BCKDHB: variants seen among roughly 807,000 people sequenced by gnomAD.
BCKDHB encodes the protein branched chain keto acid dehydrogenase E1 subunit beta, also known as 2-oxoisovalerate dehydrogenase subunit beta, mitochondrial.
In BCKDHB, 41 loss-of-function variants were observed where a neutral mutation model predicts 48.5. That is an observed-to-expected ratio of 0.85 (90% CI 0.66 to 1.10). The LOEUF (loss-of-function observed/expected upper bound fraction) is 1.10. BCKDHB is among the 50% of genes least tolerant of loss of function. The pLI is 0.00. For missense variants in BCKDHB, 496 were observed against 494.2 expected (o/e 1.00, Z -0.03); for synonymous variants, 201 against 174.8 (o/e 1.15, Z -1.18).
the BCKDHB span, among the ~76,000 whole-genome samples, chr6:80,418,931 T>G: frequency 6.6e-6 from 1 of 152,062 alleles, no homozygotes; most frequent in African/African-American, 2.4e-5. Flanking sequence ...TTGGCTCCAG[T>G]TGGGTGTGGC....
chr6:80,311,846 A>C (rs1304933936), intron 9 of BCKDHB, among the ~76,000 whole-genome samples: 2 of 152,192 alleles, frequency 1.3e-5, no homozygotes, highest in Non-Finnish European at 2.9e-5. Flanking sequence ...GTATAGTTTG[A>C]AGTCGAGTAA....
At chr6:80,233,614 T>A (rs1363549211) in intron 8 of BCKDHB, among the ~76,000 whole-genome samples, 1 of 152,198 alleles carries the variant, frequency 6.6e-6, no homozygotes, top group Non-Finnish European at 1.5e-5. Flanking sequence ...TTATTTAGAA[T>A]TTCTTCAGGT....
chr6:80,243,840 A>G (rs1191857315), intron 8 of BCKDHB, among the ~76,000 whole-genome samples: 1 of 152,162 alleles, frequency 6.6e-6, no homozygotes, highest in East Asian at 1.9e-4. Context: ...CTGGCCAAGT[A>G]TTTACATTTA....
intron 8 of BCKDHB, among the ~76,000 whole-genome samples, chr6:80,250,555 T>G (rs1386611518): frequency 1.3e-5 from 2 of 152,154 alleles, no homozygotes; most frequent in Non-Finnish European, 1.5e-5. Flanking sequence ...GAGTCATATC[T>G]GGAGAGCTGA....
At chr6:80,158,541 CA>C (rs1772162240) in intron 3 of BCKDHB, among the ~76,000 whole-genome samples, 2 of 152,244 alleles carry the variant, frequency 1.3e-5, no homozygotes, top group African/African-American at 2.4e-5. Flanking sequence ...TGCTTTAAAG[CA>C]AAAGCAGAAT....
chr6:80,282,354 C>T (rs1766371304), intron 9 of BCKDHB, among the ~76,000 whole-genome samples: 1 of 152,072 alleles, frequency 6.6e-6, no homozygotes, highest in South Asian at 2.1e-4. Flanking sequence ...TCCAGGATAT[C>T]ATATTGAGAA....
chr6:80,386,609 G>C, the BCKDHB span, among the ~76,000 whole-genome samples: 1 of 152,162 alleles, frequency 6.6e-6, no homozygotes, highest in Non-Finnish European at 1.5e-5. Context: ...TGTGGCAGGG[G>C]CCAAGTGGTG....
At chr6:80,268,233 A>G (rs992149727) in intron 8 of BCKDHB, among the ~76,000 whole-genome samples, 5 of 152,130 alleles carry the variant, frequency 3.3e-5, no homozygotes, top group African/African-American at 1.2e-4. Flanking sequence ...GTCTCAAAAA[A>G]TGTATCTAAT....
chr6:80,415,892 A>G, the BCKDHB span, among the ~76,000 whole-genome samples: 17 of 151,554 alleles, frequency 1.1e-4, no homozygotes, highest in Non-Finnish European at 2.1e-4. Context: ...CTGTGAATCT[A>G]TGTGGTCCTG....
the BCKDHB span, among the ~76,000 whole-genome samples, chr6:80,395,012 T>C: frequency 6.6e-6 from 1 of 152,208 alleles, no homozygotes; most frequent in Non-Finnish European, 1.5e-5. Flanking sequence ...TTTGCCATGA[T>C]TGTAAGTTTT....
chr6:80,433,328 G>A, the BCKDHB span, among the ~76,000 whole-genome samples: 1 of 152,170 alleles, frequency 6.6e-6, no homozygotes, highest in Non-Finnish European at 1.5e-5. Context: ...TCCCCAACTG[G>A]GGCTGCTGCC....
At chr6:80,409,659 T>C in the BCKDHB span, among the ~76,000 whole-genome samples, 3 of 139,414 alleles carry the variant, frequency 2.2e-5, no homozygotes, top group Admixed American at 7.5e-5. Flanking sequence ...GTTGAATTGC[T>C]TCCTTTACCA....
chr6:80,260,539 C>T (rs1419870388), intron 8 of BCKDHB, among the ~76,000 whole-genome samples: 1 of 152,126 alleles, frequency 6.6e-6, no homozygotes, highest in East Asian at 1.9e-4. Context: ...CCATAGAATC[C>T]TTTTTCCTGC....
Position 80,106,907 on chromosome 6 carries a change from C to G in BCKDHB, c.196+18C>G. 1 of 1,591,344 alleles carries G rather than the reference C, an allele frequency of 6.3e-7. No individual in the cohort carries two copies. The highest frequency in any genetic ancestry group is 8.5e-7 in the Non-Finnish European group (1 of 1,169,880). Reference sequence around the variant, plus strand: ...GGAGTACGGTGAGCCCTGGGACTGCCCACTCGGTCCCGCTGCAGCCCGGAC... The same window carrying G: ...GGAGTACGGTGAGCCCTGGGACTGCGCACTCGGTCCCGCTGCAGCCCGGAC... On this transcript the variant is annotated intron_variant, in intron 1 of 9. Coordinates refer to ENST00000320393, the MANE Select transcript of BCKDHB (RefSeq NM_183050.4).
chr6:80,125,186 G>C (rs1770279805), intron 1 of BCKDHB, among the ~76,000 whole-genome samples: 1 of 152,140 alleles, frequency 6.6e-6, no homozygotes, highest in Admixed American at 6.6e-5. Flanking sequence ...TATGTACTGA[G>C]ATGGCTTCTC....
At chr6:80,378,214 T>C in the BCKDHB span, among the ~76,000 whole-genome samples, 1 of 152,186 alleles carries the variant, frequency 6.6e-6, no homozygotes, top group South Asian at 2.1e-4. Flanking sequence ...TGAACATTTT[T>C]CAACCCTCAC....
chr6:80,111,167 G>A lies in BCKDHB; in HGVS notation c.196+4278G>A, dbSNP rs562813393. On this transcript the variant is annotated intron_variant, in intron 1 of 9. Coordinates refer to ENST00000320393, the MANE Select transcript of BCKDHB (RefSeq NM_183050.4). ...CTTTCCTTCCATTCCCATAATGGTC[G>A]TGGACTGGGAGGAAAGTTTTCCTAC... 3.0e-3 allele frequency among the ~76,000 whole-genome samples: 457 copies of A among 152,270 alleles called. 2 individuals are homozygous for A. The highest frequency in any genetic ancestry group is 0.011 in the African/African-American group (439 of 41,550).
At chr6:80,170,907 A>T (rs1448104025) in intron 5 of BCKDHB, among the ~76,000 whole-genome samples, 1 of 152,152 alleles carries the variant, frequency 6.6e-6, no homozygotes, top group Non-Finnish European at 1.5e-5. Context: ...TTGAAAGTAG[A>T]AACAGATTAT....
At chr6:80,283,577 A>G (rs1388818344) in intron 9 of BCKDHB, among the ~76,000 whole-genome samples, 2 of 152,098 alleles carry the variant, frequency 1.3e-5, no homozygotes, top group African/African-American at 4.8e-5. Flanking sequence ...TAATTAGTAA[A>G]ATAGATTCTC....
Sources: allele counts gnomAD v4.1 joint callset (sites outside exome capture counted in the v4.1 genomes callset), GRCh38; gene constraint gnomAD v4.1.1; transcripts MANE v1.5; gene names NCBI Gene and HGNC (gene_info 2026-07-23, HGNC 2026-07-21).